The following FANCB variants were observed in gnomAD, a reference collection of about 807,000 sequenced individuals.
FANCB encodes the protein FA complementation group B.
FANCB carries 5 observed loss-of-function variants against 38.9 expected under a neutral mutation model. The observed-to-expected ratio is 0.13, with a 90% confidence interval of 0.07 to 0.27. The LOEUF (loss-of-function observed/expected upper bound fraction) is 0.27. FANCB is among the 10% of genes least tolerant of loss of function. FANCB has a pLI of 1.00. For synonymous variants in FANCB, 236 were observed against 215.4 expected (o/e 1.10, Z -0.84); for missense variants, 573 against 602.7 (o/e 0.95, Z 0.52).
chrX:14,861,977 T>A (rs981161435), intron 3 of FANCB, among the ~76,000 whole-genome samples: 3 of 112,074 alleles, frequency 2.7e-5, no homozygotes, highest in African/African-American at 6.5e-5. Context: ...CCTGAGTAGC[T>A]GGGACTACAG....
the FANCB span, among the ~76,000 whole-genome samples, chrX:14,700,477 G>A: frequency 2.5e-3 from 278 of 111,310 alleles, 1 homozygote; most frequent in African/African-American, 8.5e-3. Context: ...AAGGTCAGAC[G>A]GCTATGTAAT....
chrX:14,731,894 C>CTT, the FANCB span: 1 of 110,805 alleles, frequency 9.0e-6, no homozygotes, highest in African/African-American at 3.3e-5. Context: ...GAAAATTTTT[C>CTT]TTATTATACT....
the FANCB span, among the ~76,000 whole-genome samples, chrX:14,696,354 AAG>A: frequency 4.1e-4 from 46 of 110,953 alleles, no homozygotes; most frequent in Middle Eastern, 4.6e-3. Flanking sequence ...AAGAGAGAGA[AAG>A]AGAGAGACTC....
chrX:14,711,449 G>T, the FANCB span, among the ~76,000 whole-genome samples: 1 of 112,174 alleles, frequency 8.9e-6, no homozygotes, highest in Non-Finnish European at 1.9e-5. Flanking sequence ...AGCTGAGGCG[G>T]TGTGGGCCTG....
At chrX:14,699,712 C>T in the FANCB span, among the ~76,000 whole-genome samples, 1 of 111,697 alleles carries the variant, frequency 9.0e-6, no homozygotes, top group Admixed American at 9.5e-5. Context: ...CTAACTTCTC[C>T]TCATCTCTCC....
the FANCB span, among the ~76,000 whole-genome samples, chrX:14,772,889 A>G: frequency 9.0e-6 from 1 of 111,014 alleles, no homozygotes. Context: ...GAGTCACACA[A>G]TCACTCGCTG....
the FANCB span, among the ~76,000 whole-genome samples, chrX:14,698,852 T>C: frequency 1.8e-5 from 2 of 110,741 alleles, no homozygotes; most frequent in African/African-American, 3.3e-5. Flanking sequence ...GGCATTAAGC[T>C]TTATTCAGGG....
intron 1 of FANCB, among the ~76,000 whole-genome samples, chrX:14,871,850 G>A (rs1202723814): frequency 9.5e-6 from 1 of 105,112 alleles, no homozygotes; most frequent in Non-Finnish European, 1.9e-5. Context: ...TGAAGAAACA[G>A]TGCCAGGTAC....
the FANCB span, among the ~76,000 whole-genome samples, chrX:14,797,424 G>A: frequency 8.9e-6 from 1 of 112,368 alleles, no homozygotes; most frequent in Non-Finnish European, 1.9e-5. Flanking sequence ...GCTCACGCCT[G>A]TAATCCCAGC....
At chrX:14,760,022 A>G in the FANCB span, among the ~76,000 whole-genome samples, 7 of 111,686 alleles carry the variant, frequency 6.3e-5, no homozygotes, top group Admixed American at 6.6e-4. Flanking sequence ...TAAACATGGA[A>G]AGGAACAACC....
chrX:14,783,949 C>A, the FANCB span, among the ~76,000 whole-genome samples: 2 of 112,699 alleles, frequency 1.8e-5, no homozygotes, highest in African/African-American at 6.4e-5. Flanking sequence ...GTGGCTCATG[C>A]CTGTAATCCC....
chrX:14,741,507 G>T, the FANCB span, among the ~76,000 whole-genome samples: 1 of 111,068 alleles, frequency 9.0e-6, no homozygotes, highest in African/African-American at 3.3e-5. Context: ...AGAATAAATC[G>T]CCCCAGCTAG....
chrX:14,870,339 GC>G (rs2092489782), intron 1 of FANCB, among the ~76,000 whole-genome samples: 1 of 110,733 alleles, frequency 9.0e-6, no homozygotes, highest in South Asian at 3.8e-4. Flanking sequence ...GCTTATCAGG[GC>G]CCCAGGTTTA....
chrX:14,713,632 G>T, the FANCB span, among the ~76,000 whole-genome samples: 1 of 111,515 alleles, frequency 9.0e-6, no homozygotes, highest in African/African-American at 3.3e-5. Context: ...AAAGAAGAGT[G>T]AAAAATATAT....
At chrX:14,835,644 A>T (rs1437484260), downstream of FANCB, among the ~76,000 whole-genome samples, 2 of 111,690 alleles carry the variant, frequency 1.8e-5, no homozygotes, top group Non-Finnish European at 3.8e-5. Flanking sequence ...CACTTTGAGA[A>T]CCACTGATGT....
the FANCB span, among the ~76,000 whole-genome samples, chrX:14,808,515 C>A: frequency 3.1e-4 from 35 of 111,868 alleles, no homozygotes; most frequent in East Asian, 9.5e-3. Context: ...ATTCAACATC[C>A]TGTCGTGATA....
At chrX:14,800,515 T>C in the FANCB span, among the ~76,000 whole-genome samples, 14 of 111,721 alleles carry the variant, frequency 1.3e-4, no homozygotes, top group African/African-American at 2.9e-4. Context: ...TTTAGACTTC[T>C]AGCTTCCAGA....
chrX:14,707,778 G>A, the FANCB span, among the ~76,000 whole-genome samples: 345 of 106,394 alleles, frequency 3.2e-3, 1 homozygote, highest in African/African-American at 0.01. Context: ...GTGTGTGCAC[G>A]CGCGCGTGTT....
the FANCB span, among the ~76,000 whole-genome samples, chrX:14,794,960 T>C: frequency 8.9e-6 from 1 of 112,589 alleles, no homozygotes; most frequent in Non-Finnish European, 1.9e-5. Context: ...AGAAAACATT[T>C]CATTAGGCTC....
Sources: gnomAD v4.1 joint callset for allele counts (sites outside exome capture counted in the v4.1 genomes callset) on GRCh38, gnomAD v4.1.1 for gene constraint, MANE v1.5 for transcripts, NCBI Gene and HGNC (gene_info 2026-07-23, HGNC 2026-07-21) for gene names.